Variants in STT3B observed in about 807,000 individuals in gnomAD.
The protein encoded by STT3B is dolichyl-diphosphooligosaccharide--protein glycosyltransferase subunit STT3B.
Under a neutral mutation model 96.8 loss-of-function variants are expected in STT3B, and 29 were observed. The observed-to-expected ratio is 0.30, with a 90% CI of 0.22 to 0.41. STT3B has a LOEUF of 0.41. STT3B is among the 10% of genes least tolerant of loss of function. The pLI, the probability that STT3B is intolerant of heterozygous loss-of-function variation, is 1.00. For missense variants in STT3B, 640 were observed against 1,022.3 expected (o/e 0.63, Z 5.10); for synonymous variants, 367 against 360.0 (o/e 1.02, Z -0.22).
In STT3B at chr3:31,600,348, C is replaced by A. The variant is rs1245302845; in HGVS notation, c.778-12C>A. 2.3e-6 allele frequency: 3 copies of A among 1,304,946 alleles called. No individual in the cohort carries two copies. The highest frequency in any genetic ancestry group is 2.2e-6 in the Non-Finnish European group (2 of 923,592). 80.8% of individuals were successfully genotyped at this position (1,304,946 alleles called of 1,614,324 possible). A position where few individuals can be genotyped will look rare whatever the true frequency, so the allele number is the denominator to read the frequency against. ...AAAATATATATTTAACTTAGCACTT[C>A]TTTTCCTATAGGTCTCTGCTTGGGG... On this transcript the variant is annotated splice_polypyrimidine_tract_variant and intron_variant, in intron 4 of 15. Coordinates refer to ENST00000295770, the MANE Select transcript of STT3B (RefSeq NM_178862.3).
chr3:31,578,824 T>G (rs989598175), intron 2 of STT3B, among the ~76,000 whole-genome samples: 1 of 149,270 alleles, frequency 6.7e-6, no homozygotes, highest in Non-Finnish European at 1.5e-5. Context: ...AAATAGAAAG[T>G]AAATAAATAA....
chr3:31,573,736 G>GA (rs766323582), intron 1 of STT3B, among the ~76,000 whole-genome samples: 66 of 152,254 alleles, frequency 4.3e-4, no homozygotes, highest in Middle Eastern at 6.8e-3. Context: ...CACTGGTTTG[G>GA]ACATGAGAAG....
At chr3:31,539,503 C>A (rs56823381) in intron 1 of STT3B, among the ~76,000 whole-genome samples, 1 of 151,986 alleles carries the variant, frequency 6.6e-6, no homozygotes, top group Non-Finnish European at 1.5e-5. Flanking sequence ...TTCCTCTTAC[C>A]ACACCCTCTG....
intron 3 of STT3B, among the ~76,000 whole-genome samples, chr3:31,589,011 A>G (rs1189278462): frequency 6.6e-6 from 1 of 151,988 alleles, no homozygotes; most frequent in Non-Finnish European, 1.5e-5. Context: ...GATGTCCACA[A>G]AGTCACTTGC....
chr3:31,579,477 T>TTAA (rs1193527668), intron 2 of STT3B, among the ~76,000 whole-genome samples: 21 of 67,446 alleles, frequency 3.1e-4, no homozygotes, highest in African/African-American at 9.5e-4. Flanking sequence ...CCTGTTTTGA[T>TTAA]AAAAAAAAAA....
chr3:31,575,280 A>T (rs1698239783), intron 1 of STT3B, among the ~76,000 whole-genome samples: 1 of 152,100 alleles, frequency 6.6e-6, no homozygotes, highest in South Asian at 2.1e-4. Flanking sequence ...CTCAACCTCT[A>T]GGTTATACTT....
intron 3 of STT3B, among the ~76,000 whole-genome samples, chr3:31,592,031 T>C (rs182725435): frequency 1.3e-5 from 2 of 152,288 alleles, no homozygotes; most frequent in East Asian, 3.9e-4. Flanking sequence ...ATTAAGTACA[T>C]TGATTATGCA....
At chr3:31,602,542 G>A (rs1698952512) in intron 5 of STT3B, among the ~76,000 whole-genome samples, 1 of 151,934 alleles carries the variant, frequency 6.6e-6, no homozygotes, top group Non-Finnish European at 1.5e-5. Flanking sequence ...ATGGTCAGAT[G>A]GAAGTATATT....
chr3:31,607,531 C>A (rs1699079715), intron 5 of STT3B, among the ~76,000 whole-genome samples: 1 of 152,052 alleles, frequency 6.6e-6, no homozygotes, highest in Non-Finnish European at 1.5e-5. Flanking sequence ...TCTTGCATGC[C>A]ACCTTGATTG....
chr3:31,596,708 T>A, intron 3 of STT3B, 90 bp from the exon 4 acceptor site: 1 of 945,572 alleles, frequency 1.1e-6, no homozygotes, highest in Non-Finnish European at 1.7e-6. Flanking sequence ...TGACTTTTTG[T>A]AGCCTGTGGT....
intron 8 of STT3B, among the ~76,000 whole-genome samples, chr3:31,618,629 TG>T (rs1377628518): frequency 6.6e-6 from 1 of 152,016 alleles, no homozygotes; most frequent in Admixed American, 6.6e-5. Flanking sequence ...ACTCCCCAGG[TG>T]GCTCAATAAA....
intron 5 of STT3B, among the ~76,000 whole-genome samples, chr3:31,605,103 A>T (rs530601776): frequency 1.3e-5 from 2 of 152,326 alleles, no homozygotes; most frequent in East Asian, 1.9e-4. Context: ...GTTATGAAGG[A>T]ATAGCCAGAT....
At chr3:31,598,851 C>T (rs951895897) in intron 4 of STT3B, among the ~76,000 whole-genome samples, 31 of 151,594 alleles carry the variant, frequency 2.0e-4, no homozygotes, top group African/African-American at 7.0e-4. Context: ...CTCTTGTTGC[C>T]CAGGCTGGAG....
chr3:31,614,055 C>A (rs935166830), intron 5 of STT3B, among the ~76,000 whole-genome samples: 1 of 151,966 alleles, frequency 6.6e-6, no homozygotes, highest in Non-Finnish European at 1.5e-5. Flanking sequence ...TAGCCCCTAA[C>A]TTCCTTCTCT....
At chr3:31,623,985 T>C (rs1014817524) in intron 11 of STT3B, 124 bp downstream of exon 11, 5 of 839,458 alleles carry the variant, frequency 6.0e-6, no homozygotes, top group Non-Finnish European at 8.8e-6. Flanking sequence ...TTTTAATTTT[T>C]TATTTTAATT....
Position 31,559,146 on chromosome 3 carries a change from G to GGGGTGTGT in STT3B, c.315-17249_315-17248insGGTGTGTG, listed in dbSNP as rs949401027. 3.5e-3 allele frequency among the ~76,000 whole-genome samples: 408 copies of GGGGTGTGT among 116,516 alleles called. 3 individuals carry two copies. The highest frequency in any genetic ancestry group is 5.7e-3 in the Admixed American group (65 of 11,320). The allele number at this position is 116,516 out of a possible 152,430, so 76.4% of individuals were successfully genotyped here. ...TTGTTTTTGTTTCATTGATTCTTGGGGTGTGTGTGTGTGTGTGTGTGTGTG... is the reference window on the plus strand; with the variant it reads ...TTGTTTTTGTTTCATTGATTCTTGGGGGGTGTGTGTGTGTGTGTGTGTGTGTGTGTGTG... On this transcript the variant is annotated intron_variant, in intron 1 of 15. Transcript: ENST00000295770.
chr3:31,562,609 G>A (rs1697907224), intron 1 of STT3B, among the ~76,000 whole-genome samples: 1 of 152,150 alleles, frequency 6.6e-6, no homozygotes, highest in Non-Finnish European at 1.5e-5. Context: ...GGGAAGGTGG[G>A]GTTGCTTTCC....
intron 1 of STT3B, among the ~76,000 whole-genome samples, chr3:31,561,496 A>G (rs1039143716): frequency 6.6e-6 from 1 of 152,094 alleles, no homozygotes; most frequent in Non-Finnish European, 1.5e-5. Context: ...CTATTGTGCT[A>G]TCAAATAGGT....
intron 1 of STT3B, among the ~76,000 whole-genome samples, chr3:31,557,160 G>A (rs986681220): frequency 5.3e-5 from 8 of 152,074 alleles, no homozygotes; most frequent in Non-Finnish European, 1.0e-4. Flanking sequence ...CCCAGTGTTC[G>A]TTCTTGAAGC....
Sources: allele counts gnomAD v4.1 joint callset (sites outside exome capture counted in the v4.1 genomes callset), GRCh38; gene constraint gnomAD v4.1.1; transcripts MANE v1.5; gene names NCBI Gene and HGNC (gene_info 2026-07-23, HGNC 2026-07-21).